The following FAM107B variants were observed in gnomAD, a reference collection of about 807,000 sequenced individuals.
FAM107B encodes the protein family with sequence similarity 107 member B.
In FAM107B, 21 loss-of-function variants were observed where a neutral mutation model predicts 31.5. The ratio of observed to expected loss-of-function variants is 0.67; its 90% CI spans 0.47 to 0.96. The LOEUF (loss-of-function observed/expected upper bound fraction) is 0.96. Among genes scored for constraint, FAM107B ranks in the 40% least tolerant of loss-of-function variants. The pLI is 0.00. For synonymous variants in FAM107B, 157 were observed against 141.5 expected (o/e 1.11, Z -0.78); for missense variants, 452 against 377.1 (o/e 1.20, Z -1.64).
At chr10:14,594,615 G>A (rs981303697) in intron 2 of FAM107B, among the ~76,000 whole-genome samples, 2 of 152,122 alleles carry the variant, frequency 1.3e-5, no homozygotes, top group Non-Finnish European at 2.9e-5. Context: ...GGTGAAGGGC[G>A]TGTGAAGAAG....
chr10:14,559,389 TG>T (rs1850029476), intron 2 of FAM107B, among the ~76,000 whole-genome samples: 1 of 151,634 alleles, frequency 6.6e-6, no homozygotes, highest in Admixed American at 6.6e-5. Flanking sequence ...AGGTGATAAA[TG>T]GTCCTGGCAG....
At chr10:14,683,780 G>A (rs1353067373) in intron 1 of FAM107B, among the ~76,000 whole-genome samples, 1 of 152,118 alleles carries the variant, frequency 6.6e-6, no homozygotes, top group Non-Finnish European at 1.5e-5. Context: ...GCATAAATAA[G>A]TGAATACATC....
intron 2 of FAM107B, among the ~76,000 whole-genome samples, chr10:14,628,118 T>TTTTGTTTTTTTTTTTTTTG (rs1325672825): frequency 4.9e-5 from 6 of 122,948 alleles, no homozygotes; most frequent in African/African-American, 2.1e-4. Flanking sequence ...GCTGGTTTTT[T>TTTTGTTTTTTTTTTTTTTG]TTTTTTTTTT....
intron 2 of FAM107B, among the ~76,000 whole-genome samples, chr10:14,551,736 G>T (rs776986410): frequency 2.0e-5 from 3 of 151,806 alleles, no homozygotes; most frequent in Non-Finnish European, 4.4e-5. Context: ...CATTATACCT[G>T]ATAACAACAT....
intron 2 of FAM107B, among the ~76,000 whole-genome samples, chr10:14,604,910 CTCTT>C (rs904243804): frequency 3.3e-5 from 5 of 152,048 alleles, no homozygotes; most frequent in Non-Finnish European, 5.9e-5. Flanking sequence ...TTCTTTCATT[CTCTT>C]TCTCTCTCTG....
chr10:14,548,294 C>T (rs1848902648), intron 2 of FAM107B: 3 of 372,808 alleles, frequency 8.0e-6, no homozygotes, highest in Non-Finnish European at 1.1e-5. Flanking sequence ...ACTGGGAACA[C>T]GGACACCCTG....
chr10:14,716,390 C>A (rs985952504), intron 1 of FAM107B, among the ~76,000 whole-genome samples: 1 of 152,224 alleles, frequency 6.6e-6, no homozygotes, highest in South Asian at 2.1e-4. Flanking sequence ...GCAGGAGGCC[C>A]AGTGCCTTGC....
intron 1 of FAM107B, among the ~76,000 whole-genome samples, chr10:14,707,223 C>A (rs1855542347): frequency 6.6e-6 from 1 of 152,058 alleles, no homozygotes; most frequent in African/African-American, 2.4e-5. Context: ...TATTTTATCA[C>A]CACCCCAACA....
intron 2 of FAM107B, chr10:14,554,070 A>G (rs938480464): frequency 1.0e-5 from 10 of 980,170 alleles, no homozygotes; most frequent in African/African-American, 1.8e-5. Flanking sequence ...CACATATGTC[A>G]TATATAATTA....
intron 1 of FAM107B, among the ~76,000 whole-genome samples, chr10:14,720,353 A>G (rs1220737470): frequency 6.6e-6 from 1 of 152,166 alleles, no homozygotes; most frequent in Non-Finnish European, 1.5e-5. Flanking sequence ...TCCCGTGTTC[A>G]AGTGATTCTC....
intron 2 of FAM107B, among the ~76,000 whole-genome samples, chr10:14,577,076 C>T (rs1346457300): frequency 1.3e-5 from 2 of 152,222 alleles, no homozygotes; most frequent in East Asian, 1.9e-4. Context: ...CATTCACTGA[C>T]AGAACACTGC....
At chr10:14,709,869 C>G (rs77217335) in intron 1 of FAM107B, among the ~76,000 whole-genome samples, 4,663 of 151,996 alleles carry the variant, frequency 0.031, 228 homozygotes, top group African/African-American at 0.11. Flanking sequence ...TTCTGAAAAG[C>G]GCAAAACTAT....
At chr10:14,768,271 T>C (rs1833227099) in intron 1 of FAM107B, among the ~76,000 whole-genome samples, 1 of 152,152 alleles carries the variant, frequency 6.6e-6, no homozygotes, top group African/African-American at 2.4e-5. Flanking sequence ...CTCAATAATG[T>C]TTTTTGCAGA....
chr10:14,656,644 C>A (rs534394218), intron 2 of FAM107B, among the ~76,000 whole-genome samples: 8 of 152,250 alleles, frequency 5.3e-5, no homozygotes, highest in African/African-American at 1.9e-4. Flanking sequence ...CATCACTTTA[C>A]TTCTGATTTT....
At chr10:14,696,487 C>T (rs753271761) in intron 1 of FAM107B, among the ~76,000 whole-genome samples, 24 of 151,880 alleles carry the variant, frequency 1.6e-4, no homozygotes, top group Non-Finnish European at 3.4e-4. Flanking sequence ...ACCAAGCATC[C>T]TGGCCTCATA....
At chr10:14,556,944 C>G (rs567792669) in intron 2 of FAM107B, among the ~76,000 whole-genome samples, 14 of 152,336 alleles carry the variant, frequency 9.2e-5, no homozygotes, top group African/African-American at 2.4e-4. Context: ...CTTAGCCACA[C>G]AGGCCTGCCT....
At chr10:14,582,463 G>A (rs982505611) in intron 2 of FAM107B, among the ~76,000 whole-genome samples, 3 of 134,978 alleles carry the variant, frequency 2.2e-5, no homozygotes, top group Admixed American at 8.6e-5. Flanking sequence ...GGCAACCTCC[G>A]CCTCCTGGAT....
At chr10:14,562,814 A>T (rs1183008744) in intron 2 of FAM107B, among the ~76,000 whole-genome samples, 1 of 152,252 alleles carries the variant, frequency 6.6e-6, no homozygotes, top group Admixed American at 6.5e-5. Context: ...ACAATAACTC[A>T]GAAGTCGATT....
In FAM107B at chr10:14,659,361, T is replaced by C. The variant is rs1421950237; in HGVS notation, c.469+8273A>G. Among the ~76,000 whole-genome samples the C allele has an allele frequency of 2.0e-5, 3 of 151,898 alleles. No homozygotes were observed. In the East Asian group the frequency reaches 5.8e-4, roughly 29 times the overall value. ...GAGGCTGAGGCAGGAGAATTGCTGGTGGGGAGGGGGCAGAGGTTGCAGTGA... is the reference window on the plus strand; with the variant it reads ...GAGGCTGAGGCAGGAGAATTGCTGGCGGGGAGGGGGCAGAGGTTGCAGTGA... On this transcript the variant is annotated intron_variant, in intron 2 of 4. Coordinates refer to ENST00000181796, the MANE Select transcript of FAM107B (RefSeq NM_031453.4).
Sources: gnomAD v4.1 joint callset for allele counts (sites outside exome capture counted in the v4.1 genomes callset) on GRCh38, gnomAD v4.1.1 for gene constraint, MANE v1.5 for transcripts, NCBI Gene and HGNC (gene_info 2026-07-23, HGNC 2026-07-21) for gene names.